Variants in RERE observed in about 807,000 individuals in gnomAD.
The protein encoded by RERE is arginine-glutamic acid dipeptide repeats, also known as arginine-glutamic acid dipeptide repeats protein.
In RERE, 40 loss-of-function variants were observed where a neutral mutation model predicts 146.1. The observed-to-expected ratio is 0.27, with a 90% CI of 0.21 to 0.36. The LOEUF is 0.36. Ranked by LOEUF, RERE falls within the 10% of genes least tolerant of loss-of-function variation. The pLI is 1.00. For missense variants in RERE, 1,933 were observed against 2,138.7 expected (o/e 0.90, Z 1.90); for synonymous variants, 1,003 against 866.0 (o/e 1.16, Z -2.78).
chr1:8,786,974 A>G (rs1641270687), intron 1 of RERE: 1 of 626,574 alleles, frequency 1.6e-6, no homozygotes, highest in African/African-American at 1.8e-5. Context: ...ACTTTCACAC[A>G]GCAGCCAAAG....
intron 4 of RERE, among the ~76,000 whole-genome samples, chr1:8,592,048 G>A (rs1202490948): frequency 6.6e-6 from 1 of 152,210 alleles, no homozygotes; most frequent in African/African-American, 2.4e-5. Flanking sequence ...ATGCTAATGT[G>A]AAGTAGTACC....
At chr1:8,525,193 A>G (rs1645555235) in intron 7 of RERE, among the ~76,000 whole-genome samples, 1 of 152,232 alleles carries the variant, frequency 6.6e-6, no homozygotes, top group African/African-American at 2.4e-5. Flanking sequence ...TATTGTTGCA[A>G]TCATAATTCA....
intron 12 of RERE, among the ~76,000 whole-genome samples, chr1:8,371,594 T>G (rs1254633993): frequency 6.6e-6 from 1 of 152,210 alleles, no homozygotes; most frequent in Non-Finnish European, 1.5e-5. Context: ...AGGGGCCTGC[T>G]GGGCTCAGGC....
chr1:8,676,619 G>C (rs1638847019), intron 1 of RERE, among the ~76,000 whole-genome samples: 1 of 152,174 alleles, frequency 6.6e-6, no homozygotes. Flanking sequence ...AACCACCTTA[G>C]GGTCCCAAGG....
intron 1 of RERE, among the ~76,000 whole-genome samples, chr1:8,816,722 T>C (rs1465701503): frequency 6.6e-6 from 1 of 152,162 alleles, no homozygotes; most frequent in Non-Finnish European, 1.5e-5. Context: ...AACTAGAGAT[T>C]GGGAGCACAA....
intron 11 of RERE, among the ~76,000 whole-genome samples, chr1:8,433,339 T>C (rs1644121031): frequency 6.6e-6 from 1 of 152,226 alleles, no homozygotes; most frequent in Non-Finnish European, 1.5e-5. Flanking sequence ...CATCTTGTCT[T>C]GCATGCTATG....
intron 10 of RERE, among the ~76,000 whole-genome samples, chr1:8,469,126 T>A (rs1014627933): frequency 6.6e-6 from 1 of 151,988 alleles, no homozygotes; most frequent in African/African-American, 2.4e-5. Context: ...TTAGAAAATA[T>A]ATGTTAGCTA....
intron 10 of RERE, among the ~76,000 whole-genome samples, chr1:8,472,482 G>A (rs189446574): frequency 9.2e-5 from 14 of 152,310 alleles, no homozygotes; most frequent in Non-Finnish European, 1.5e-4. Flanking sequence ...ACATTGCAAT[G>A]AAGATGGGGA....
At chr1:8,702,962 G>A (rs747265167) in intron 1 of RERE, 5 of 152,034 alleles carry the variant, frequency 3.3e-5, no homozygotes, top group Admixed American at 6.6e-5. Flanking sequence ...GGAACACTCC[G>A]TGCACCCACC....
chr1:8,652,052 A>T (rs1481455139), intron 2 of RERE, among the ~76,000 whole-genome samples: 2 of 152,192 alleles, frequency 1.3e-5, no homozygotes, highest in Non-Finnish European at 1.5e-5. Flanking sequence ...ATACTCATTT[A>T]GAGAAAAAGC....
chr1:8,667,173 A>G lies in RERE; in HGVS notation c.-144-10732T>C, dbSNP rs1188348353. Among the ~76,000 whole-genome samples, 5 of 152,328 alleles carry G rather than the reference A, an allele frequency of 3.3e-5. No homozygotes were observed. The South Asian group carries it at 6.2e-4, about 19-fold the overall frequency. On this transcript the variant is annotated intron_variant, in intron 1 of 22. Coordinates refer to ENST00000400908, the MANE Select transcript of RERE (RefSeq NM_001042681.2). ...AAATAAGGCTTCTCAATTTCTTCCA[A>G]AAAGACATACTAATAACAAAACACA...
intron 4 of RERE, among the ~76,000 whole-genome samples, chr1:8,558,509 C>T (rs536569674): frequency 3.9e-4 from 60 of 152,178 alleles, no homozygotes; most frequent in South Asian, 1.0e-3. Context: ...ATCACAGGCC[C>T]GTTGGTCAGT....
intron 11 of RERE, among the ~76,000 whole-genome samples, chr1:8,443,914 C>T (rs1644285028): frequency 6.6e-6 from 1 of 152,184 alleles, no homozygotes; most frequent in Admixed American, 6.5e-5. Context: ...GTATCAGGTG[C>T]CCAGGCCAGA....
chr1:8,406,536 A>T (rs970203725), intron 12 of RERE, among the ~76,000 whole-genome samples: 1 of 152,208 alleles, frequency 6.6e-6, no homozygotes, highest in African/African-American at 2.4e-5. Flanking sequence ...ATAATGTGAT[A>T]AGATGTTAAT....
intron 7 of RERE, among the ~76,000 whole-genome samples, chr1:8,511,483 C>A (rs1201227904): frequency 6.6e-6 from 1 of 152,138 alleles, no homozygotes; most frequent in Non-Finnish European, 1.5e-5. Context: ...GAGGTGCAGA[C>A]AATGGCATTA....
rs553912434 is a variant in RERE, at chr1:8,379,590, G to C, written c.1285-13616C>G. Among the ~76,000 whole-genome samples, 173 of 152,286 alleles carry C rather than the reference G, an allele frequency of 1.1e-3. 1 individual carries two copies. Among genetic ancestry groups the C allele is most frequent in the African/African-American group, 3.9e-3 (160 of 41,556 alleles). On this transcript the variant is annotated intron_variant, in intron 12 of 22. Transcript: ENST00000400908. Reference sequence around the variant, plus strand: ...CGGATTCTCTCCTGGTCCATATCTAGGTCTCCTCAAAGGTTCTTTACAGAG... The same window carrying C: ...CGGATTCTCTCCTGGTCCATATCTACGTCTCCTCAAAGGTTCTTTACAGAG...
In RERE at chr1:8,354,996, T is replaced by G. The variant is rs1256761469; in HGVS notation, c.*91A>C. The stretch of plus-strand genomic sequence containing the variant: ...AAAGAAATCTTTAGAAGATATTCTT[T>G]TTGCTTTTGCAGCTCCTATTTTATG... On this transcript the variant is annotated 3_prime_UTR_variant, in exon 23 of 23. Transcript: ENST00000400908. The G allele has an allele frequency of 6.9e-6, 7 of 1,013,524 alleles. No individual in the cohort carries two copies. The highest frequency in any genetic ancestry group is 1.1e-5 in the Non-Finnish European group (7 of 660,698). 62.8% of individuals were successfully genotyped at this position (1,013,524 alleles called of 1,614,324 possible).
intron 1 of RERE, among the ~76,000 whole-genome samples, chr1:8,671,478 T>C (rs1638716415): frequency 2.0e-5 from 3 of 152,152 alleles, no homozygotes; most frequent in African/African-American, 7.2e-5. Context: ...AGAAGACACA[T>C]AGGATGGAAA....
chr1:8,772,084 C>T (rs1640964750), intron 1 of RERE, among the ~76,000 whole-genome samples: 1 of 151,518 alleles, frequency 6.6e-6, no homozygotes, highest in Non-Finnish European at 1.5e-5. Flanking sequence ...TAAAATAATC[C>T]CAATTTTGTA....
Sources: allele counts gnomAD v4.1 joint callset (sites outside exome capture counted in the v4.1 genomes callset), GRCh38; gene constraint gnomAD v4.1.1; transcripts MANE v1.5; gene names NCBI Gene and HGNC (gene_info 2026-07-23, HGNC 2026-07-21).